Variants in DIP2B observed in about 807,000 individuals in gnomAD.
The protein encoded by DIP2B is disco-interacting protein 2 homolog B.
A neutral mutation model predicts 198.0 loss-of-function variants in DIP2B; 76 were observed. That is an observed-to-expected ratio of 0.38 (90% CI 0.32 to 0.46). DIP2B has a LOEUF of 0.46. Among genes scored for constraint, DIP2B ranks in the 20% least tolerant of loss-of-function variants. The pLI is 0.99. For missense variants in DIP2B, 1,559 were observed against 1,978.4 expected (o/e 0.79, Z 4.02); for synonymous variants, 701 against 739.1 (o/e 0.95, Z 0.84).
intron 22 of DIP2B, among the ~76,000 whole-genome samples, chr12:50,713,351 A>T (rs1939654042): frequency 6.6e-6 from 1 of 152,228 alleles, no homozygotes; most frequent in Non-Finnish European, 1.5e-5. Flanking sequence ...TATGAACAGA[A>T]GTTTTTTAGG....
intron 1 of DIP2B, among the ~76,000 whole-genome samples, chr12:50,517,235 T>C (rs1958073948): frequency 6.6e-6 from 1 of 151,776 alleles, no homozygotes; most frequent in African/African-American, 2.4e-5. Flanking sequence ...TTTGTTTTAA[T>C]TAGATTTTTT....
At chr12:50,608,954 C>T (rs981891777) in intron 1 of DIP2B, among the ~76,000 whole-genome samples, 2 of 152,024 alleles carry the variant, frequency 1.3e-5, no homozygotes, top group Non-Finnish European at 2.9e-5. Flanking sequence ...CCAGCCTGGC[C>T]AATATGGTGA....
intron 34 of DIP2B, 33 bp downstream of exon 34, chr12:50,735,163 G>C (rs1448080021): frequency 6.8e-6 from 11 of 1,612,622 alleles, no homozygotes; most frequent in Non-Finnish European, 6.8e-6. Context: ...GGGAAGGTGG[G>C]CTGTGTGGAG....
intron 5 of DIP2B, among the ~76,000 whole-genome samples, chr12:50,672,376 T>C (rs1220582264): frequency 2.0e-5 from 3 of 152,192 alleles, no homozygotes; most frequent in East Asian, 1.9e-4. Flanking sequence ...TTCCTGAGCC[T>C]CCTGAAGCAG....
chr12:50,703,387 G>A lies in DIP2B; in HGVS notation c.2326-753G>A, dbSNP rs149471536. On this transcript the variant is annotated intron_variant, in intron 19 of 37. Coordinates refer to ENST00000301180, the MANE Select transcript of DIP2B (RefSeq NM_173602.3). ...GATATTAATGAGTGTAAATGGATACGACAGTTTTATAGGCCAGCCAATTAA... is the reference window on the plus strand; with the variant it reads ...GATATTAATGAGTGTAAATGGATACAACAGTTTTATAGGCCAGCCAATTAA... Among the ~76,000 whole-genome samples the A allele has an allele frequency of 7.6e-4, 115 of 152,130 alleles. 1 individual carries two copies. The highest frequency in any genetic ancestry group is 2.7e-3 in the African/African-American group (113 of 41,498).
At chr12:50,592,172 C>T (rs999597862) in intron 1 of DIP2B, among the ~76,000 whole-genome samples, 1 of 152,056 alleles carries the variant, frequency 6.6e-6, no homozygotes, top group Non-Finnish European at 1.5e-5. Context: ...AGCCACTGCG[C>T]CCAGCCGATC....
chr12:50,738,930 T>C (rs1276732412), intron 35 of DIP2B, among the ~76,000 whole-genome samples: 1 of 152,274 alleles, frequency 6.6e-6, no homozygotes, highest in African/African-American at 2.4e-5. Flanking sequence ...TATTGTTAGC[T>C]ATCGCTCTGT....
At position 50,620,787 on chromosome 12, in the gene DIP2B, G is replaced by A. The variant is rs900584912; in HGVS notation, c.101-5189G>A. On this transcript the variant is annotated intron_variant, in intron 1 of 37. Coordinates refer to ENST00000301180, the MANE Select transcript of DIP2B (RefSeq NM_173602.3). ...GCCTGTGGTGTGACTCAGTGTCTGA[G>A]CTCCAGAGGTTCTGTGCTCTCCCTT... Among the ~76,000 whole-genome samples, 6 of 152,308 alleles carry A rather than the reference G, an allele frequency of 3.9e-5. No homozygotes were observed. The South Asian group carries it at 1.2e-3, about 32-fold the overall frequency.
intron 21 of DIP2B, 73 bp downstream of exon 21, chr12:50,706,738 TG>T (rs1267374163): frequency 1.7e-5 from 27 of 1,543,654 alleles, no homozygotes; most frequent in Non-Finnish European, 2.1e-5. Flanking sequence ...GTGATTTCAG[TG>T]GTATTTTGTA....
intron 1 of DIP2B, among the ~76,000 whole-genome samples, chr12:50,549,834 C>A (rs1958411586): frequency 6.6e-6 from 1 of 151,330 alleles, no homozygotes; most frequent in African/African-American, 2.4e-5. Context: ...TCTGTGTGCA[C>A]AAAATTATGT....
At chr12:50,697,016 A>C in intron 16 of DIP2B, 45 bp from the exon 17 acceptor site, 1 of 1,448,062 alleles carries the variant, frequency 6.9e-7, no homozygotes, top group Non-Finnish European at 9.6e-7. Context: ...TACAGTAATG[A>C]AAAGCATAAT....
intron 20 of DIP2B, among the ~76,000 whole-genome samples, chr12:50,704,762 C>T (rs1238167975): frequency 1.3e-5 from 2 of 152,040 alleles, no homozygotes; most frequent in African/African-American, 2.4e-5. Flanking sequence ...GTCAGGAGTT[C>T]GAGACCAGCC....
chr12:50,637,513 T>C (rs929706863), intron 2 of DIP2B, among the ~76,000 whole-genome samples: 6 of 152,224 alleles, frequency 3.9e-5, no homozygotes, highest in Non-Finnish European at 8.8e-5. Context: ...TCAGCAGACA[T>C]TCATCTTCCC....
intron 3 of DIP2B, among the ~76,000 whole-genome samples, chr12:50,656,800 G>T (rs142879411): frequency 6.6e-6 from 1 of 152,110 alleles, no homozygotes; most frequent in Non-Finnish European, 1.5e-5. Flanking sequence ...TCGAACTCCT[G>T]ACCTCAGGTG....
chr12:50,702,383 G>GT (rs1370428736), intron 19 of DIP2B, among the ~76,000 whole-genome samples: 2 of 151,412 alleles, frequency 1.3e-5, no homozygotes, highest in African/African-American at 4.9e-5. Flanking sequence ...GGCCAACATG[G>GT]TGAAACCTTG....
intron 30 of DIP2B, among the ~76,000 whole-genome samples, chr12:50,729,294 GTCTTA>G (rs776628585): frequency 3.3e-5 from 5 of 152,170 alleles, no homozygotes; most frequent in Non-Finnish European, 7.4e-5. Context: ...AGAAACATGG[GTCTTA>G]TCTTCAGATT....
chr12:50,620,807 T>A (rs1937797069), intron 1 of DIP2B, among the ~76,000 whole-genome samples: 1 of 152,218 alleles, frequency 6.6e-6, no homozygotes, highest in South Asian at 2.1e-4. Flanking sequence ...TTCTGTGCTC[T>A]CCCTTGTGGC....
intron 21 of DIP2B, among the ~76,000 whole-genome samples, 179 bp from the exon 22 acceptor site, chr12:50,708,269 A>G (rs1939550983): frequency 6.6e-6 from 1 of 152,278 alleles, no homozygotes; most frequent in South Asian, 2.1e-4. Flanking sequence ...TGTGCTTAAT[A>G]CATATTATTT....
At chr12:50,686,733 T>C in intron 12 of DIP2B, 51 bp downstream of exon 12, 1 of 1,531,346 alleles carries the variant, frequency 6.5e-7, no homozygotes, top group South Asian at 1.2e-5. Context: ...TGGGCTTTGC[T>C]TGCCACCTTT....
Sources: gnomAD v4.1 joint callset for allele counts (sites outside exome capture counted in the v4.1 genomes callset) on GRCh38, gnomAD v4.1.1 for gene constraint, MANE v1.5 for transcripts, NCBI Gene and HGNC (gene_info 2026-07-23, HGNC 2026-07-21) for gene names.